CSMD1: variants seen among roughly 807,000 people sequenced by gnomAD.
The protein encoded by CSMD1 is CUB and sushi domain-containing protein 1.
In CSMD1, 213 loss-of-function variants were observed where a neutral mutation model predicts 417.5. The ratio of observed to expected loss-of-function variants is 0.51; its 90% CI spans 0.46 to 0.57. The LOEUF is 0.57. Ranked by LOEUF, CSMD1 falls within the 20% of genes least tolerant of loss-of-function variation. The pLI is 0.00. For synonymous variants in CSMD1, 2,862 were observed against 1,736.8 expected, an observed-to-expected ratio of 1.65 and a Z score of -16.11; for missense variants, 6,923 against 4,529.7, an observed-to-expected ratio of 1.53 and a Z score of -15.17.
intron 1 of CSMD1, among the ~76,000 whole-genome samples, chr8:4,793,213 C>G (rs1211498474): frequency 2.0e-5 from 3 of 152,046 alleles, no homozygotes; most frequent in Admixed American, 6.5e-5. Context: ...AATTGCAGCA[C>G]AAGACATGAT....
intron 15 of CSMD1, among the ~76,000 whole-genome samples, chr8:3,401,962 T>C (rs1427525214): frequency 6.6e-6 from 1 of 152,150 alleles, no homozygotes; most frequent in Non-Finnish European, 1.5e-5. Context: ...CTTTGCTTTT[T>C]TTTTTTGATG....
intron 7 of CSMD1, among the ~76,000 whole-genome samples, chr8:3,619,927 C>T (rs1191660096): frequency 1.3e-5 from 2 of 152,036 alleles, no homozygotes; most frequent in African/African-American, 4.8e-5. Context: ...CATAGTGAAA[C>T]CCCATTTCTA....
chr8:3,468,814 A>T lies in CSMD1; in HGVS notation c.1459T>A (p.Ser487Thr), dbSNP rs1379421545. ...CTCACAATGAGGTCAGGAACACTGG[A>T]TCCCGTGAGCCTGCAAGAAAGAGAA... ...TRSVLYVLTG[S>T]SVPDLIVSMS... The change falls in exon 12 of 70, where the codon TCC becomes ACC. Residue 487 changes from serine (S) to threonine (T), a missense_variant. Coordinates refer to ENST00000635120, the MANE Select transcript of CSMD1 (RefSeq NM_033225.6). 6.3e-7 allele frequency: 1 copy of T among 1,594,928 alleles called. No homozygotes were observed.
At chr8:3,895,641 C>T (rs1234644420) in intron 5 of CSMD1, among the ~76,000 whole-genome samples, 1 of 152,168 alleles carries the variant, frequency 6.6e-6, no homozygotes, top group Non-Finnish European at 1.5e-5. Context: ...GAATCCTATC[C>T]TAAATAATTA....
chr8:4,993,967 A>C (rs924877854), intron 1 of CSMD1, among the ~76,000 whole-genome samples: 2 of 147,986 alleles, frequency 1.4e-5, no homozygotes, highest in Non-Finnish European at 3.0e-5. Flanking sequence ...CCCCTCAGCC[A>C]CCCCGACCCG....
intron 3 of CSMD1, among the ~76,000 whole-genome samples, chr8:4,131,721 G>C (rs1177026294): frequency 7.1e-6 from 1 of 141,566 alleles, no homozygotes; most frequent in African/African-American, 2.6e-5. Context: ...GAACAATGCA[G>C]TTGTTATCAA....
At chr8:4,120,736 A>G (rs763664546) in intron 3 of CSMD1, among the ~76,000 whole-genome samples, 6 of 152,334 alleles carry the variant, frequency 3.9e-5, no homozygotes, top group Admixed American at 6.5e-5. Flanking sequence ...AGAGAATGTC[A>G]GGCTCAGAAT....
chr8:4,046,426 T>C (rs932507952), intron 3 of CSMD1, among the ~76,000 whole-genome samples: 6 of 152,206 alleles, frequency 3.9e-5, no homozygotes, highest in Admixed American at 2.0e-4. Context: ...CAAACCTAAA[T>C]GTGCTTTCTG....
chr8:4,896,261 A>C (rs1373566587), intron 1 of CSMD1, among the ~76,000 whole-genome samples: 1 of 152,082 alleles, frequency 6.6e-6, no homozygotes, highest in Non-Finnish European at 1.5e-5. Context: ...GTCCGTCTCT[A>C]TATGCTTTTC....
At chr8:4,087,842 T>C (rs1318477504) in intron 3 of CSMD1, among the ~76,000 whole-genome samples, 1 of 152,176 alleles carries the variant, frequency 6.6e-6, no homozygotes, top group Non-Finnish European at 1.5e-5. Context: ...AGCATAATAA[T>C]GCCTACCTTA....
chr8:4,086,452 C>T (rs1280129345), intron 3 of CSMD1, among the ~76,000 whole-genome samples: 3 of 152,184 alleles, frequency 2.0e-5, no homozygotes, highest in Non-Finnish European at 2.9e-5. Flanking sequence ...ACTATTACTA[C>T]ACTCTAATTC....
intron 3 of CSMD1, among the ~76,000 whole-genome samples, chr8:4,310,009 C>T (rs970270985): frequency 1.1e-4 from 16 of 152,204 alleles, no homozygotes; most frequent in Non-Finnish European, 1.5e-4. Context: ...TTGGAAAACA[C>T]GCTAAAAGGT....
In CSMD1 at chr8:4,204,625, G is replaced by C. The variant is rs192953148; in HGVS notation, c.416-172526C>G. On this transcript the variant is annotated intron_variant, in intron 3 of 69. Coordinates refer to ENST00000635120, the MANE Select transcript of CSMD1 (RefSeq NM_033225.6). ...CATAAAAGTGTGTAAGGAGACAGTA[G>C]GCAACAAGCCTAAATTATTTTATAA... Among the ~76,000 whole-genome samples, 250 of 152,256 alleles carry C rather than the reference G, an allele frequency of 1.6e-3. 2 individuals carry two copies. Among genetic ancestry groups the C allele is most frequent in the Middle Eastern group, 6.8e-3 (2 of 294 alleles).
intron 2 of CSMD1, among the ~76,000 whole-genome samples, chr8:4,436,591 T>C (rs572271429): frequency 1.3e-5 from 2 of 152,178 alleles, no homozygotes; most frequent in Admixed American, 1.3e-4. Context: ...ATTATATCCA[T>C]CCTGCTGTGC....
intron 5 of CSMD1, among the ~76,000 whole-genome samples, chr8:3,967,307 C>A (rs988616329): frequency 6.6e-6 from 1 of 152,078 alleles, no homozygotes. Context: ...CCTTCCCTTA[C>A]ACCTGAATGG....
intron 21 of CSMD1, among the ~76,000 whole-genome samples, chr8:3,357,541 C>A (rs188273712): frequency 1.3e-5 from 2 of 152,120 alleles, no homozygotes; most frequent in African/African-American, 4.8e-5. Context: ...GAGTAAAAAC[C>A]TGAATGACAA....
At chr8:4,963,799 A>T (rs997095930) in intron 1 of CSMD1, among the ~76,000 whole-genome samples, 1 of 152,196 alleles carries the variant, frequency 6.6e-6, no homozygotes, top group African/African-American at 2.4e-5. Flanking sequence ...AATGGTAAGC[A>T]ATAGAATTAT....
intron 2 of CSMD1, among the ~76,000 whole-genome samples, chr8:4,449,059 G>A (rs1226871931): frequency 1.3e-5 from 2 of 152,204 alleles, no homozygotes; most frequent in African/African-American, 2.4e-5. Flanking sequence ...CCCACAGAAG[G>A]ATGCTATAAA....
chr8:4,563,352 G>C (rs561277502), intron 2 of CSMD1, among the ~76,000 whole-genome samples: 1 of 152,152 alleles, frequency 6.6e-6, no homozygotes, highest in Non-Finnish European at 1.5e-5. Flanking sequence ...AGTGAGCTCA[G>C]ATCGTGCCGC....
Sources: allele counts gnomAD v4.1 joint callset (sites outside exome capture counted in the v4.1 genomes callset), GRCh38; gene constraint gnomAD v4.1.1; transcripts MANE v1.5; gene names NCBI Gene and HGNC (gene_info 2026-07-23, HGNC 2026-07-21).